The following TENM3 variants were observed in gnomAD, a reference collection of about 807,000 sequenced individuals.
The protein encoded by TENM3 is teneurin transmembrane protein 3, also known as teneurin-3.
In TENM3, 63 loss-of-function variants were observed where a neutral mutation model predicts 255.1. The observed-to-expected ratio is 0.25, with a 90% CI of 0.20 to 0.30. The LOEUF (loss-of-function observed/expected upper bound fraction) is 0.30, where lower values mean the gene tolerates loss of function less well. TENM3 is among the 10% of genes least tolerant of loss of function. The pLI, the probability that TENM3 is intolerant of heterozygous loss-of-function variation, is 1.00. For synonymous variants in TENM3, 1,306 were observed against 1,322.3 expected (o/e 0.99, Z 0.27); for missense variants, 2,929 against 3,461.1 (o/e 0.85, Z 3.86).
the TENM3 span, chr4:181,522,829 C>A: frequency 8.6e-6 from 8 of 927,788 alleles, no homozygotes; most frequent in Admixed American, 8.8e-5. Flanking sequence ...AGAAATGCAC[C>A]TGAATTTTCA....
chr4:181,448,830 GT>G, the TENM3 span, among the ~76,000 whole-genome samples: 483 of 152,060 alleles, frequency 3.2e-3, 5 homozygotes, highest in Admixed American at 0.023. Flanking sequence ...GGCATTTAAA[GT>G]TTTTTTTACT....
the TENM3 span, among the ~76,000 whole-genome samples, chr4:181,709,914 G>A: frequency 6.6e-6 from 1 of 152,312 alleles, no homozygotes; most frequent in Non-Finnish European, 1.5e-5. Flanking sequence ...AAAGAGCAGT[G>A]CCCTTTCCTG....
the TENM3 span, among the ~76,000 whole-genome samples, chr4:182,049,956 C>A: frequency 6.6e-6 from 1 of 151,448 alleles, no homozygotes; most frequent in Non-Finnish European, 1.5e-5. Context: ...TCCTTAAAGG[C>A]AAGGGCACGT....
intron 22 of TENM3, among the ~76,000 whole-genome samples, chr4:182,766,404 A>C (rs1379601466): frequency 1.3e-5 from 2 of 152,176 alleles, no homozygotes; most frequent in Non-Finnish European, 2.9e-5. Context: ...AGACTGTCTT[A>C]AACATGATTC....
chr4:181,954,340 G>A, the TENM3 span, among the ~76,000 whole-genome samples: 1 of 152,106 alleles, frequency 6.6e-6, no homozygotes, highest in Admixed American at 6.6e-5. Context: ...TTTATAAAAA[G>A]CTGGAAAACT....
At chr4:182,086,380 C>T in the TENM3 span, among the ~76,000 whole-genome samples, 2 of 152,098 alleles carry the variant, frequency 1.3e-5, no homozygotes, top group African/African-American at 2.4e-5. Context: ...CTGAAAAGCT[C>T]TTCATAATAA....
chr4:182,411,179 G>A (rs1319200291), intron 3 of TENM3, among the ~76,000 whole-genome samples: 1 of 152,138 alleles, frequency 6.6e-6, no homozygotes, highest in Admixed American at 6.5e-5. Flanking sequence ...CTTCACTCTC[G>A]AGCCCGGTGA....
chr4:181,576,811 CT>C, the TENM3 span, among the ~76,000 whole-genome samples: 353 of 123,954 alleles, frequency 2.8e-3, 1 homozygote, highest in Non-Finnish European at 4.5e-3. Flanking sequence ...TCTTTCTTTT[CT>C]TTTTTTTTTT....
chr4:182,573,465 A>G (rs1334422954), intron 3 of TENM3, among the ~76,000 whole-genome samples: 2 of 152,198 alleles, frequency 1.3e-5, no homozygotes, highest in African/African-American at 4.8e-5. Flanking sequence ...TTTTTCAGAG[A>G]GCATCACACT....
chr4:182,100,239 C>A, the TENM3 span, among the ~76,000 whole-genome samples: 2 of 151,602 alleles, frequency 1.3e-5, no homozygotes, highest in African/African-American at 4.9e-5. Context: ...TCATAAACCA[C>A]CTTTTCCTTT....
the TENM3 span, among the ~76,000 whole-genome samples, chr4:181,959,516 A>G: frequency 6.6e-6 from 1 of 152,220 alleles, no homozygotes; most frequent in Admixed American, 6.5e-5. Context: ...ATTTAAATTC[A>G]AATTCAGTTA....
the TENM3 span, among the ~76,000 whole-genome samples, chr4:181,448,683 A>G: frequency 6.6e-6 from 1 of 152,232 alleles, no homozygotes; most frequent in African/African-American, 2.4e-5. Context: ...AATTCTATTC[A>G]TCTGCATAAA....
At chr4:181,496,175 G>GT in the TENM3 span, among the ~76,000 whole-genome samples, 1 of 145,536 alleles carries the variant, frequency 6.9e-6, no homozygotes, top group Non-Finnish European at 1.6e-5. Flanking sequence ...AGAGGCCCAA[G>GT]GAAAAAATAA....
chr4:181,984,565 T>G, the TENM3 span, among the ~76,000 whole-genome samples: 1 of 151,904 alleles, frequency 6.6e-6, no homozygotes, highest in African/African-American at 2.4e-5. Flanking sequence ...TGTTTCATTG[T>G]GTGTTTGAAA....
At chr4:181,956,066 T>C in the TENM3 span, among the ~76,000 whole-genome samples, 5 of 152,276 alleles carry the variant, frequency 3.3e-5, no homozygotes, top group East Asian at 9.7e-4. Flanking sequence ...AAGGCAGATT[T>C]TGTGTCTGGT....
chr4:182,679,718 G>A lies in TENM3; in HGVS notation c.1379G>A (p.Arg460Gln), dbSNP rs200278921. ...AGCAGGCTGATTGCCAGAGAGCAGC[G>A]GAGCCTGCTTGAGACGGAGAGAGCC... Reference protein sequence around the residue: ...DGSRLIAREQRSLLETERAGR... With the variant: ...DGSRLIAREQQSLLETERAGR... The change falls in exon 8 of 28, where the codon CGG (arginine) becomes CAG (glutamine). Residue 460 changes from arginine to glutamine, a missense_variant. Arg to Gln is a conservative substitution (Grantham distance 43). Around this residue, in one of 6 missense-constraint regions of TENM3, gnomAD observed 1,608 missense variants for 1,884.4 expected, o/e 0.85. Transcript: ENST00000511685. 165 of 1,613,536 alleles carry A rather than the reference G, an allele frequency of 1.0e-4. 1 individual carries two copies. The highest frequency in any genetic ancestry group is 4.7e-4 in the Admixed American group (28 of 60,024).
chr4:181,926,830 C>T, the TENM3 span, among the ~76,000 whole-genome samples: 1 of 151,806 alleles, frequency 6.6e-6, no homozygotes, highest in Non-Finnish European at 1.5e-5. Context: ...CTCATTGGGA[C>T]TGGTTAGACA....
the TENM3 span, among the ~76,000 whole-genome samples, chr4:181,524,813 T>C: frequency 2.0e-5 from 3 of 152,036 alleles, no homozygotes; most frequent in Non-Finnish European, 4.4e-5. Flanking sequence ...GAGGAAAGCC[T>C]ATAGGTCAGA....
At chr4:181,632,286 C>T in the TENM3 span, among the ~76,000 whole-genome samples, 1 of 152,082 alleles carries the variant, frequency 6.6e-6, no homozygotes, top group Non-Finnish European at 1.5e-5. Flanking sequence ...AACTCACTAT[C>T]ACAAGAACAG....
Sources: gnomAD v4.1 joint callset for allele counts (sites outside exome capture counted in the v4.1 genomes callset) on GRCh38, gnomAD v4.1.1 for gene constraint, gnomAD v4.1.1 regional missense constraint, MANE v1.5 for transcripts, NCBI Gene and HGNC (gene_info 2026-07-23, HGNC 2026-07-21) for gene names.